The following PRDM15 variants were observed in gnomAD, a reference collection of about 807,000 sequenced individuals.
The protein encoded by PRDM15 is PR domain zinc finger protein 15.
In PRDM15, 64 loss-of-function variants were observed where a neutral mutation model predicts 128.6. The ratio of observed to expected loss-of-function variants is 0.50; its 90% CI spans 0.41 to 0.61. The LOEUF is 0.61. Ranked by LOEUF, PRDM15 falls within the 20% of genes least tolerant of loss-of-function variation. The pLI, the probability that PRDM15 is intolerant of heterozygous loss-of-function variation, is 0.00. For synonymous variants in PRDM15, 615 were observed against 621.8 expected, an observed-to-expected ratio of 0.99 and a Z score of 0.16; for missense variants, 1,242 against 1,569.1, an observed-to-expected ratio of 0.79 and a Z score of 3.52.
At chr21:41,805,795 C>A (rs903097877) in intron 21 of PRDM15, among the ~76,000 whole-genome samples, 1 of 144,556 alleles carries the variant, frequency 6.9e-6, no homozygotes, top group African/African-American at 2.6e-5. Flanking sequence ...ACCACCACCA[C>A]CAACACAACC....
At chr21:41,805,911 A>G (rs2061551615) in intron 21 of PRDM15, among the ~76,000 whole-genome samples, 1 of 149,976 alleles carries the variant, frequency 6.7e-6, no homozygotes, top group East Asian at 2.0e-4. Flanking sequence ...CCTCATCACC[A>G]CCAACACTGT....
At chr21:41,855,222 T>G (rs190858782) in intron 4 of PRDM15, among the ~76,000 whole-genome samples, 1,747 of 152,236 alleles carry the variant, frequency 0.011, 26 homozygotes, top group African/African-American at 0.039. Flanking sequence ...CGGGGACACC[T>G]AAGGCTCTCC....
chr21:41,852,368 A>T (rs1041484544), intron 5 of PRDM15, among the ~76,000 whole-genome samples: 1 of 152,210 alleles, frequency 6.6e-6, no homozygotes, highest in Non-Finnish European at 1.5e-5. Flanking sequence ...AGACACAAGG[A>T]GCCCAGGTCC....
At chr21:41,830,376 C>T (rs1045184355) in intron 11 of PRDM15, among the ~76,000 whole-genome samples, 39 of 151,430 alleles carry the variant, frequency 2.6e-4, no homozygotes, top group East Asian at 9.7e-4. Flanking sequence ...CAAACACATA[C>T]GCTCAGCACA....
At chr21:41,826,538 AC>A (rs2062479063) in intron 12 of PRDM15, among the ~76,000 whole-genome samples, 2 of 152,320 alleles carry the variant, frequency 1.3e-5, no homozygotes, top group South Asian at 4.1e-4. Flanking sequence ...GCTGGTAAAT[AC>A]AACCTTTATG....
chr21:41,878,849 G>GT, intron 1 of PRDM15: 1 of 1,006,092 alleles, frequency 9.9e-7, no homozygotes. Flanking sequence ...GCGGGCCGGG[G>GT]CGGCGAAGAC....
chr21:41,871,774 C>T (rs371234712), intron 1 of PRDM15: 1 of 809,936 alleles, frequency 1.2e-6, no homozygotes, highest in African/African-American at 1.7e-5. Flanking sequence ...GCTGCTCCTC[C>T]AGACCTGCTG....
At chr21:41,874,525 A>ATATATATATATATTTTTTTTTT in intron 1 of PRDM15, among the ~76,000 whole-genome samples, 11 of 95,810 alleles carry the variant, frequency 1.1e-4, no homozygotes, top group Non-Finnish European at 1.6e-4. Flanking sequence ...ATATATATAT[A>ATATATATATATATTTTTTTTTT]TTTTTTTTTT....
At chr21:41,822,797 G>A (rs911339935) in intron 14 of PRDM15, among the ~76,000 whole-genome samples, 2 of 152,176 alleles carry the variant, frequency 1.3e-5, no homozygotes, top group African/African-American at 4.8e-5. Context: ...CACTTTGGGA[G>A]GCTGAGGCAG....
Position 41,859,704 on chromosome 21 carries a change from G to A in PRDM15, c.38-19C>T. Reference sequence around the variant, plus strand: ...TCACACCCTGCAAGCAGACATCCGGGCATTAGAGCACCCAGGGAGGGAGAC... The same window carrying A: ...TCACACCCTGCAAGCAGACATCCGGACATTAGAGCACCCAGGGAGGGAGAC... On this transcript the variant is annotated intron_variant, in intron 2 of 23. Transcript: ENST00000398548. The surrounding 1 kb of genome is among the most constrained non-coding windows in gnomAD (Gnocchi z 5.3). The A allele has an allele frequency of 6.2e-7, 1 of 1,606,490 alleles. No individual in the cohort carries two copies. Among genetic ancestry groups the A allele is most frequent in the Non-Finnish European group, 8.5e-7 (1 of 1,173,878 alleles).
Position 41,862,960 on chromosome 21 carries a change from G to C in PRDM15, c.-9-2588C>G, listed in dbSNP as rs1341380729. 1.3e-5 allele frequency among the ~76,000 whole-genome samples: 2 copies of C among 152,066 alleles called. No homozygotes were observed. The highest frequency in any genetic ancestry group is 2.9e-5 in the Non-Finnish European group (2 of 68,028). ...GAGGACGGGCGATCACTTCAGGTCA[G>C]GAGTTCGAGACCAGCCTGGCCGACA... On this transcript the variant is annotated intron_variant, in intron 1 of 23. Transcript: ENST00000398548. This position sits in a 1 kb window ranked among gnomAD's most constrained non-coding sequence, Gnocchi z 4.1.
chr21:41,836,424 T>TCCTGGC (rs758831758), intron 9 of PRDM15, 44 bp downstream of exon 9: 52 of 1,576,630 alleles, frequency 3.3e-5, no homozygotes, highest in Admixed American at 2.6e-4. Context: ...CCAGCCCCAG[T>TCCTGGC]CCTGGCCCTG....
chr21:41,871,537 G>A (rs1229154057), intron 1 of PRDM15: 2 of 1,611,498 alleles, frequency 1.2e-6, no homozygotes, highest in South Asian at 1.1e-5. Flanking sequence ...CACTCGCAGG[G>A]CTCAGTGGCT....
At chr21:41,842,987 A>G (rs6586284) in intron 6 of PRDM15, among the ~76,000 whole-genome samples, 139,003 of 152,054 alleles carry the variant, frequency 0.91, 63,678 homozygotes, top group African/African-American at 0.95. Flanking sequence ...GTTTCACCAT[A>G]ATGGCCAGGC....
intron 5 of PRDM15, among the ~76,000 whole-genome samples, chr21:41,848,818 C>T (rs527451935): frequency 6.6e-6 from 1 of 152,336 alleles, no homozygotes; most frequent in Admixed American, 6.5e-5. Flanking sequence ...GCCCGCTCAT[C>T]AAGAGAAGCA....
At position 41,859,801 on chromosome 21, in the gene PRDM15, G is replaced by A; in HGVS notation, c.38-116C>T. The A allele has an allele frequency of 2.5e-6, 2 of 793,276 alleles. No individual in the cohort carries two copies. Among genetic ancestry groups the A allele is most frequent in the Non-Finnish European group, 4.2e-6 (2 of 476,598 alleles). The allele number at this position is 793,276 out of a possible 1,614,324, so 49.1% of individuals were successfully genotyped here. A position where few individuals can be genotyped will look rare whatever the true frequency, so the allele number is the denominator to read the frequency against. Reference sequence around the variant, plus strand: ...GGTGACCCAGAGTCATGAGACACATGCATGCCGACACTGCAAAGACAAGCA... The same window carrying A: ...GGTGACCCAGAGTCATGAGACACATACATGCCGACACTGCAAAGACAAGCA... On this transcript the variant is annotated intron_variant, in intron 2 of 23. Transcript: ENST00000398548. This position sits in a 1 kb window ranked among gnomAD's most constrained non-coding sequence, Gnocchi z 5.3.
In PRDM15 at chr21:41,859,942, C is replaced by T. The variant is rs551518615; in HGVS notation, c.38-257G>A. On this transcript the variant is annotated intron_variant, in intron 2 of 23. Coordinates refer to ENST00000398548, the MANE Select transcript of PRDM15 (RefSeq NM_001040424.3). The surrounding 1 kb of genome is among the most constrained non-coding windows in gnomAD (Gnocchi z 5.3). ...CCCCCAGGGAAAGCTCTAGCTCCGCCGCACGCCTCAAATCAAGCACGGTCA... is the reference window on the plus strand; with the variant it reads ...CCCCCAGGGAAAGCTCTAGCTCCGCTGCACGCCTCAAATCAAGCACGGTCA... Among the ~76,000 whole-genome samples, 8 of 152,206 alleles carry T rather than the reference C, an allele frequency of 5.3e-5. No homozygotes were observed. The highest frequency in any genetic ancestry group is 1.7e-4 in the African/African-American group (7 of 41,546).
At chr21:41,878,449 A>G (rs2064499291) in intron 1 of PRDM15, among the ~76,000 whole-genome samples, 1 of 152,120 alleles carries the variant, frequency 6.6e-6, no homozygotes. Flanking sequence ...ATGAGTTTTC[A>G]TTTCTATTTT....
chr21:41,861,564 G>A lies in PRDM15; in HGVS notation c.-9-1192C>T, dbSNP rs142753758. The A allele has an allele frequency of 4.0e-4, 637 of 1,591,458 alleles. No homozygotes were observed. Among genetic ancestry groups the A allele is most frequent in the Non-Finnish European group, 4.9e-4 (573 of 1,164,774 alleles). ...CCCCCAATCCCCAACTGTGCGCACC[G>A]GCATGTCCTTCCTGCAACCTGCTTC... On this transcript the variant is annotated intron_variant, in intron 1 of 23. Transcript: ENST00000398548.
Sources: gnomAD v4.1 joint callset for allele counts (sites outside exome capture counted in the v4.1 genomes callset) on GRCh38, gnomAD v4.1.1 for gene constraint, Gnocchi (gnomAD v3.1) non-coding constraint, MANE v1.5 for transcripts, NCBI Gene and HGNC (gene_info 2026-07-23, HGNC 2026-07-21) for gene names.